Variants in DNAAF11 observed in about 807,000 individuals in gnomAD.
DNAAF11 encodes the protein dynein axonemal assembly factor 11, also known as leucine rich repeat containing 6.
DNAAF11 carries 45 observed loss-of-function variants against 60.8 expected under a neutral mutation model. The observed-to-expected ratio is 0.74, with a 90% CI of 0.58 to 0.95. The LOEUF (loss-of-function observed/expected upper bound fraction) is 0.95, where lower values mean the gene tolerates loss of function less well. Ranked by LOEUF, DNAAF11 falls within the 40% of genes least tolerant of loss-of-function variation. The pLI is 0.00. For missense variants in DNAAF11, 546 were observed against 546.2 expected (o/e 1.00, Z 0.00); for synonymous variants, 191 against 183.5 (o/e 1.04, Z -0.33).
Position 132,625,308 on chromosome 8 carries a change from T to G in DNAAF11, c.800A>C (p.His267Pro). 1 of 1,605,646 alleles carries G rather than the reference T, an allele frequency of 6.2e-7. No homozygotes were observed. The highest frequency in any genetic ancestry group is 2.2e-5 in the East Asian group (1 of 44,718). Reference protein sequence around the residue: ...TPESRLETLRHMEKQRKKQEK... With the variant: ...TPESRLETLRPMEKQRKKQEK... ...CTGTTTCTTCCGTTGTTTTTCCATGTGTCTAAGAGTTTCCAATCTTGATTC... is the reference window on the plus strand; with the variant it reads ...CTGTTTCTTCCGTTGTTTTTCCATGGGTCTAAGAGTTTCCAATCTTGATTC... Residue 267 changes from histidine to proline, a missense_variant, in exon 6 of 12, where the codon CAC becomes CCC. Transcript: ENST00000620350.
chr8:132,642,176 C>T (rs932739811), intron 3 of DNAAF11, among the ~76,000 whole-genome samples: 12 of 152,136 alleles, frequency 7.9e-5, no homozygotes, highest in African/African-American at 2.7e-4. Context: ...TGTAAGTATG[C>T]TCCAGGTATA....
chr8:132,664,422 G>A (rs1824427086), intron 1 of DNAAF11, among the ~76,000 whole-genome samples: 1 of 152,140 alleles, frequency 6.6e-6, no homozygotes, highest in African/African-American at 2.4e-5. Context: ...GTTTCTACTG[G>A]TACCAAATAT....
intron 10 of DNAAF11, among the ~76,000 whole-genome samples, chr8:132,591,413 C>T (rs1455362363): frequency 6.6e-6 from 1 of 151,246 alleles, no homozygotes; most frequent in African/African-American, 2.4e-5. Flanking sequence ...ATAAATAAGC[C>T]ATAAAATTTT....
chr8:132,681,440 A>G, the DNAAF11 span, among the ~76,000 whole-genome samples: 3 of 152,060 alleles, frequency 2.0e-5, no homozygotes, highest in Non-Finnish European at 4.4e-5. Flanking sequence ...ACCTAGTGAA[A>G]AAGATCTGAA....
the DNAAF11 span, among the ~76,000 whole-genome samples, chr8:132,685,461 TTACTC>T: frequency 6.6e-6 from 1 of 152,214 alleles, no homozygotes; most frequent in South Asian, 2.1e-4. Flanking sequence ...ATATTCCTAA[TTACTC>T]TAGTTTTAAA....
chr8:132,641,643 G>T (rs1821866788), intron 3 of DNAAF11, among the ~76,000 whole-genome samples: 1 of 152,158 alleles, frequency 6.6e-6, no homozygotes, highest in Non-Finnish European at 1.5e-5. Flanking sequence ...TGGCTCAGGT[G>T]AAAACTAAAG....
intron 10 of DNAAF11, among the ~76,000 whole-genome samples, chr8:132,589,379 G>A (rs1816235148): frequency 6.6e-6 from 1 of 152,134 alleles, no homozygotes; most frequent in Non-Finnish European, 1.5e-5. Flanking sequence ...AAGTGGTGAT[G>A]AGAACTTTGC....
intron 10 of DNAAF11, among the ~76,000 whole-genome samples, chr8:132,609,171 G>A (rs896878260): frequency 2.6e-5 from 4 of 151,970 alleles, no homozygotes; most frequent in African/African-American, 9.7e-5. Flanking sequence ...CTGGTTCCAG[G>A]ACATCCCTTG....
rs75917665 is a variant in DNAAF11 at position 132,571,742 on chromosome 8, G to A, written c.*564C>T. 1.3e-5 allele frequency among the ~76,000 whole-genome samples: 2 copies of A among 152,158 alleles called. No individual in the cohort carries two copies. Among genetic ancestry groups the A allele is most frequent in the Non-Finnish European group, 2.9e-5 (2 of 68,040 alleles). On this transcript the variant is annotated 3_prime_UTR_variant, in exon 12 of 12. Coordinates refer to ENST00000620350, the MANE Select transcript of DNAAF11 (RefSeq NM_012472.6). ...ATACATGAAGCCACTAAGGCTCAGA[G>A]AATTAAAGGACTTGCTGAAGGTCTT...
intron 6 of DNAAF11, among the ~76,000 whole-genome samples, chr8:132,622,999 T>C (rs555083873): frequency 6.6e-6 from 1 of 152,168 alleles, no homozygotes; most frequent in African/African-American, 2.4e-5. Context: ...AATATTTAAG[T>C]AAGTCTATTT....
At chr8:132,692,202 G>C in the DNAAF11 span, among the ~76,000 whole-genome samples, 4 of 151,992 alleles carry the variant, frequency 2.6e-5, no homozygotes, top group Non-Finnish European at 4.4e-5. Flanking sequence ...AAACTGGGGT[G>C]GGGGGTAGAG....
chr8:132,694,687 A>G, the DNAAF11 span, among the ~76,000 whole-genome samples: 1 of 152,248 alleles, frequency 6.6e-6, no homozygotes, highest in Non-Finnish European at 1.5e-5. Flanking sequence ...GGAAGTGGGA[A>G]CTACAAACTC....
At chr8:132,642,271 TA>T (rs765821668) in intron 3 of DNAAF11, among the ~76,000 whole-genome samples, 5 of 152,252 alleles carry the variant, frequency 3.3e-5, no homozygotes, top group African/African-American at 4.8e-5. Context: ...TATTCAATCC[TA>T]ACATCATGCT....
chr8:132,632,993 T>A, intron 4 of DNAAF11, 30 bp from the exon 5 acceptor site: 1 of 1,522,788 alleles, frequency 6.6e-7, no homozygotes, highest in Non-Finnish European at 9.1e-7. Context: ...TATAGTACAA[T>A]TGTTCAAAAG....
chr8:132,636,891 A>G (rs1308332038), intron 4 of DNAAF11, among the ~76,000 whole-genome samples: 2 of 152,210 alleles, frequency 1.3e-5, no homozygotes, highest in African/African-American at 4.8e-5. Flanking sequence ...CAGTCTCTTG[A>G]CTGCAGAGAA....
chr8:132,597,740 A>G (rs1456738216), intron 10 of DNAAF11, among the ~76,000 whole-genome samples: 1 of 152,206 alleles, frequency 6.6e-6, no homozygotes, highest in African/African-American at 2.4e-5. Flanking sequence ...AGTTGACAAC[A>G]AGCTGGGTAA....
chr8:132,653,141 T>C (rs1300226564), intron 3 of DNAAF11, among the ~76,000 whole-genome samples: 4 of 152,232 alleles, frequency 2.6e-5, no homozygotes, highest in Non-Finnish European at 5.9e-5. Context: ...AAAATCCAAT[T>C]GAAAGAAGTT....
At chr8:132,615,920 T>C (rs1819103043) in intron 7 of DNAAF11, among the ~76,000 whole-genome samples, 1 of 152,160 alleles carries the variant, frequency 6.6e-6, no homozygotes, top group Non-Finnish European at 1.5e-5. Flanking sequence ...AGCGATAGAT[T>C]TGGCTGTTCG....
chr8:132,660,093 T>C (rs1392765671), intron 2 of DNAAF11, among the ~76,000 whole-genome samples: 1 of 152,184 alleles, frequency 6.6e-6, no homozygotes, highest in Non-Finnish European at 1.5e-5. Context: ...CCTGACTCCA[T>C]CCCTTTTCCT....
Sources: allele counts gnomAD v4.1 joint callset (sites outside exome capture counted in the v4.1 genomes callset), GRCh38; gene constraint gnomAD v4.1.1; transcripts MANE v1.5; gene names NCBI Gene and HGNC (gene_info 2026-07-23, HGNC 2026-07-21).